The following MAP2 variants were observed in gnomAD, a reference collection of about 807,000 sequenced individuals.
MAP2 encodes the protein microtubule associated protein 2.
In MAP2, 14 loss-of-function variants were observed where a neutral mutation model predicts 137.6. That is an observed-to-expected ratio of 0.10 (90% CI 0.07 to 0.16). The LOEUF is 0.16. Ranked by LOEUF, MAP2 falls within the 10% of genes least tolerant of loss-of-function variation. The pLI is 1.00. For missense variants in MAP2, 2,088 were observed against 2,191.5 expected (o/e 0.95, Z 0.94); for synonymous variants, 786 against 782.3 (o/e 1.00, Z -0.08).
chr2:209,605,993 C>T (rs1286540657), intron 3 of MAP2, among the ~76,000 whole-genome samples: 3 of 152,038 alleles, frequency 2.0e-5, no homozygotes, highest in African/African-American at 7.2e-5. Flanking sequence ...TAGTGTTAAC[C>T]GCTGGATAGA....
chr2:209,448,294 A>G (rs1699563923), intron 1 of MAP2, among the ~76,000 whole-genome samples: 1 of 152,148 alleles, frequency 6.6e-6, no homozygotes. Context: ...TGTTATAACC[A>G]TGAAAAGACC....
intron 1 of MAP2, among the ~76,000 whole-genome samples, chr2:209,437,610 T>G (rs1426846272): frequency 6.6e-6 from 1 of 151,632 alleles, no homozygotes; most frequent in Non-Finnish European, 1.5e-5. Context: ...TGTTTGACTC[T>G]TCCAGAAATG....
chr2:209,481,697 T>G (rs922891302), intron 1 of MAP2, among the ~76,000 whole-genome samples: 1 of 152,216 alleles, frequency 6.6e-6, no homozygotes, highest in African/African-American at 2.4e-5. Context: ...CATGACAACC[T>G]CTGCCTTAGG....
intron 12 of MAP2, among the ~76,000 whole-genome samples, chr2:209,709,346 G>T (rs2064608592): frequency 6.6e-6 from 1 of 152,126 alleles, no homozygotes. Context: ...GTGTCTGACA[G>T]CTTCCATAAA....
intron 5 of MAP2, among the ~76,000 whole-genome samples, chr2:209,655,215 C>T (rs558153838): frequency 2.0e-5 from 3 of 152,276 alleles, no homozygotes; most frequent in African/African-American, 7.2e-5. Context: ...TTAAATTCAG[C>T]TCAATGTGTA....
intron 1 of MAP2, among the ~76,000 whole-genome samples, chr2:209,461,854 A>G (rs564155088): frequency 6.6e-6 from 1 of 152,098 alleles, no homozygotes; most frequent in South Asian, 2.1e-4. Context: ...TTTTATTCTC[A>G]TTCATCTCAG....
intron 2 of MAP2, among the ~76,000 whole-genome samples, chr2:209,549,078 A>G (rs1247428197): frequency 1.3e-5 from 2 of 152,336 alleles, no homozygotes; most frequent in Middle Eastern, 3.4e-3. Context: ...GATAGCTGCT[A>G]CATGTTCAGC....
chr2:209,702,657 G>T (rs577911237), intron 11 of MAP2, among the ~76,000 whole-genome samples: 18 of 151,938 alleles, frequency 1.2e-4, no homozygotes, highest in African/African-American at 3.4e-4. Flanking sequence ...ATTAATAGTT[G>T]TCTTTCTTAA....
intron 3 of MAP2, among the ~76,000 whole-genome samples, chr2:209,608,696 C>T (rs941209926): frequency 2.0e-5 from 3 of 152,060 alleles, no homozygotes; most frequent in Admixed American, 1.3e-4. Flanking sequence ...TATATCTTAG[C>T]CTAAAACCTC....
intron 1 of MAP2, among the ~76,000 whole-genome samples, chr2:209,460,386 A>G (rs1702476635): frequency 6.6e-6 from 1 of 152,152 alleles, no homozygotes; most frequent in Non-Finnish European, 1.5e-5. Flanking sequence ...GGACGTGGAT[A>G]TTGGTTTCAT....
intron 4 of MAP2, among the ~76,000 whole-genome samples, chr2:209,643,586 C>T (rs2094192554): frequency 6.6e-6 from 1 of 152,168 alleles, no homozygotes; most frequent in Non-Finnish European, 1.5e-5. Context: ...ATCAAGTGTA[C>T]TTCTATCACA....
At chr2:209,669,641 G>C (rs910020977) in intron 5 of MAP2, among the ~76,000 whole-genome samples, 1 of 151,918 alleles carries the variant, frequency 6.6e-6, no homozygotes, top group Non-Finnish European at 1.5e-5. Context: ...ATGTTTTGCA[G>C]CTATAGAAGC....
chr2:209,426,197 T>A (rs535525346), intron 1 of MAP2, among the ~76,000 whole-genome samples: 5 of 152,304 alleles, frequency 3.3e-5, no homozygotes, highest in African/African-American at 1.2e-4. Context: ...TTTCATATTT[T>A]ACAGTTTGCT....
At chr2:209,471,818 G>T (rs1350902130) in intron 1 of MAP2, among the ~76,000 whole-genome samples, 2 of 152,058 alleles carry the variant, frequency 1.3e-5, no homozygotes, top group Non-Finnish European at 2.9e-5. Context: ...TAATGATAAG[G>T]TCAAATATAT....
intron 1 of MAP2, among the ~76,000 whole-genome samples, chr2:209,487,413 G>A (rs2058525388): frequency 1.3e-5 from 2 of 152,276 alleles, no homozygotes; most frequent in South Asian, 2.1e-4. Context: ...TGATGGTTTG[G>A]TAGGCCTAGG....
At chr2:209,491,649 G>A (rs2149993381) in intron 1 of MAP2, among the ~76,000 whole-genome samples, 1 of 152,300 alleles carries the variant, frequency 6.6e-6, no homozygotes, top group South Asian at 2.1e-4. Context: ...ACTGCCATCA[G>A]AGAATACTAT....
chr2:209,559,739 C>A (rs1232527870), intron 2 of MAP2, among the ~76,000 whole-genome samples: 1 of 151,984 alleles, frequency 6.6e-6, no homozygotes, highest in East Asian at 1.9e-4. Context: ...ATTAGTCAGT[C>A]CTTCAACACT....
chr2:209,553,365 C>G (rs572062669), intron 2 of MAP2, among the ~76,000 whole-genome samples: 1 of 152,160 alleles, frequency 6.6e-6, no homozygotes, highest in East Asian at 1.9e-4. Flanking sequence ...AGCCCTGTAC[C>G]GTACATCATT....
At chr2:209,541,158 G>A (rs1307458202) in intron 2 of MAP2, among the ~76,000 whole-genome samples, 1 of 151,068 alleles carries the variant, frequency 6.6e-6, no homozygotes, top group Non-Finnish European at 1.5e-5. Flanking sequence ...AGCCTCCCAA[G>A]TAGCTGGGAT....
Sources: allele counts gnomAD v4.1 joint callset (sites outside exome capture counted in the v4.1 genomes callset), GRCh38; gene constraint gnomAD v4.1.1; transcripts MANE v1.5; gene names NCBI Gene and HGNC (gene_info 2026-07-23, HGNC 2026-07-21).